PIEZO2: variants seen among roughly 807,000 people sequenced by gnomAD.
The protein encoded by PIEZO2 is piezo-type mechanosensitive ion channel component 2.
A neutral mutation model predicts 337.3 loss-of-function variants in PIEZO2; 172 were observed. The ratio of observed to expected loss-of-function variants is 0.51; its 90% CI spans 0.45 to 0.58. PIEZO2 has a LOEUF of 0.58. Ranked by LOEUF, PIEZO2 falls within the 20% of genes least tolerant of loss-of-function variation. The pLI is 0.00. For missense variants in PIEZO2, 3,028 were observed against 3,391.3 expected (o/e 0.89, Z 2.66); for synonymous variants, 1,251 against 1,228.5 (o/e 1.02, Z -0.38).
rs376233683 is a variant in PIEZO2 at position 10,982,657 on chromosome 18, C to T, written c.161-2997G>A. Among the ~76,000 whole-genome samples, 1 of 151,850 alleles carries T rather than the reference C, an allele frequency of 6.6e-6. No homozygotes were observed. Among genetic ancestry groups the T allele is most frequent in the South Asian group, 2.1e-4 (1 of 4,812 alleles). On this transcript the variant is annotated intron_variant, in intron 2 of 55. Coordinates refer to ENST00000674853, the MANE Select transcript of PIEZO2 (RefSeq NM_001378183.1). The surrounding 1 kb of genome is among the most constrained non-coding windows in gnomAD (Gnocchi z 4.1). ...GTAAATTTTGAAATTTTGAAGAATA[C>T]GATCGAAAGTGGGTGAGGTTGGTGT... is the stretch of plus-strand genomic sequence containing the variant.
Position 10,830,968 on chromosome 18 carries a change from A to G in PIEZO2, c.918-23694T>C, listed in dbSNP as rs915667657. On this transcript the variant is annotated intron_variant, in intron 7 of 55. Coordinates refer to ENST00000674853, the MANE Select transcript of PIEZO2 (RefSeq NM_001378183.1). The surrounding 1 kb of genome is among the most constrained non-coding windows in gnomAD (Gnocchi z 4.7). The stretch of plus-strand genomic sequence containing the variant: ...TTTATCACCAGAGAAATGCGAATCA[A>G]AACTACAAATTATCTCACCCCAGCT... Among the ~76,000 whole-genome samples the G allele has an allele frequency of 2.4e-4, 37 of 152,340 alleles. No individual in the cohort carries two copies. The highest frequency in any genetic ancestry group is 8.4e-4 in the African/African-American group (35 of 41,584).
chr18:10,821,302 T>C lies in PIEZO2; in HGVS notation c.918-14028A>G, dbSNP rs1683391. ...AGCCATCATAAACCCACACTTCCAA[T>C]AGCTCAGCATCTGAAAACAGTTGTT... On this transcript the variant is annotated intron_variant, in intron 7 of 55. Transcript: ENST00000674853. This position sits in a 1 kb window ranked among gnomAD's most constrained non-coding sequence, Gnocchi z 4.2. Among the ~76,000 whole-genome samples the C allele has an allele frequency of 0.18, 26,825 of 152,182 alleles. 2,393 individuals carry two copies. Among genetic ancestry groups the C allele is most frequent in the Middle Eastern group, 0.24 (72 of 294 alleles).
chr18:10,882,757 T>C (rs985966689), intron 4 of PIEZO2, among the ~76,000 whole-genome samples: 13 of 151,344 alleles, frequency 8.6e-5, no homozygotes, highest in African/African-American at 3.1e-4. Context: ...CATAATCACC[T>C]CCAATTCTAT....
chr18:11,068,661 G>C (rs953565592), intron 1 of PIEZO2, among the ~76,000 whole-genome samples: 6 of 152,120 alleles, frequency 3.9e-5, no homozygotes, highest in African/African-American at 2.4e-5. Context: ...AAAGTTGGTA[G>C]AAGGAAAGAA....
intron 3 of PIEZO2, among the ~76,000 whole-genome samples, chr18:10,960,673 C>T (rs2033732767): frequency 6.6e-6 from 1 of 152,006 alleles, no homozygotes; most frequent in South Asian, 2.1e-4. Flanking sequence ...AAAAAGTCCC[C>T]CAACCTTAAT....
chr18:11,136,201 C>T (rs949527613), intron 1 of PIEZO2, among the ~76,000 whole-genome samples: 2 of 152,294 alleles, frequency 1.3e-5, no homozygotes, highest in East Asian at 1.9e-4. Flanking sequence ...CGGGGGCATC[C>T]GGCACTGGGT....
At position 10,807,131 on chromosome 18, in the gene PIEZO2, A is replaced by G. The variant is rs1380804163; in HGVS notation, c.1061T>C (p.Ile354Thr). Residue 354 changes from isoleucine (I) to threonine (T), a missense_variant, in exon 8 of 56, where the codon ATC becomes ACC. Physicochemically the swap from Ile to Thr is moderately conservative, Grantham distance 89. Around this residue, in one of 5 missense-constraint regions of PIEZO2, gnomAD observed 542 missense variants for 605.6 expected, o/e 0.89. Coordinates refer to ENST00000674853, the MANE Select transcript of PIEZO2 (RefSeq NM_001378183.1). ...CCTTACAAGGGGCTCTTGCAGCCAG[A>G]TGCGGATCAGAGTGGCCAGAGTGTA... ...MYYTLATLIRIWLQEPLVQDE... is the reference protein window; with the variant it reads ...MYYTLATLIRTWLQEPLVQDE... The G allele has an allele frequency of 6.5e-7, 1 of 1,536,606 alleles. No homozygotes were observed.
intron 3 of PIEZO2, among the ~76,000 whole-genome samples, chr18:10,913,278 G>T (rs1233096594): frequency 1.3e-5 from 2 of 152,128 alleles, no homozygotes; most frequent in African/African-American, 4.8e-5. Flanking sequence ...GGAAGCCACA[G>T]TGTGTTCAAG....
Position 10,773,762 on chromosome 18 carries a change from C to A in PIEZO2, c.2568-133G>T. 2.4e-6 allele frequency: 2 copies of A among 823,930 alleles called. No homozygotes were observed. Among genetic ancestry groups the A allele is most frequent in the Admixed American group, 2.8e-5 (1 of 36,022 alleles). 51.0% of individuals were successfully genotyped at this position (823,930 alleles called of 1,614,324 possible). A position where few individuals can be genotyped will look rare whatever the true frequency, so the allele number is the denominator to read the frequency against. The stretch of plus-strand genomic sequence containing the variant: ...AAGACCTCACAAGGTGGGGTGTTAG[C>A]GTTTTGTCACTTTCTTTTTGGTTGG... On this transcript the variant is annotated intron_variant, in intron 19 of 55. Transcript: ENST00000674853. This position sits in a 1 kb window ranked among gnomAD's most constrained non-coding sequence, Gnocchi z 5.3.
Position 10,672,666 on chromosome 18 carries a change from G to A in PIEZO2, c.8345+24C>T, listed in dbSNP as rs2033829471. The A allele has an allele frequency of 6.2e-7, 1 of 1,601,220 alleles. No homozygotes were observed. Among genetic ancestry groups the A allele is most frequent in the South Asian group, 1.1e-5 (1 of 88,230 alleles). On this transcript the variant is annotated intron_variant, in intron 55 of 55. Transcript: ENST00000674853. The surrounding 1 kb of genome is among the most constrained non-coding windows in gnomAD (Gnocchi z 4.7). ...GATACAGAAGTAGACTCTTGTAACTGTGAATTGTTCAATGAGTCCTTACCC... is the reference window on the plus strand; with the variant it reads ...GATACAGAAGTAGACTCTTGTAACTATGAATTGTTCAATGAGTCCTTACCC...
In PIEZO2 at chr18:10,716,011, C is replaced by T. The variant is rs781430948; in HGVS notation, c.5090-195G>A. 2.0e-5 allele frequency among the ~76,000 whole-genome samples: 3 copies of T among 152,178 alleles called. No individual in the cohort carries two copies. The highest frequency in any genetic ancestry group is 6.5e-5 in the Admixed American group (1 of 15,290). On this transcript the variant is annotated intron_variant, in intron 37 of 55. Coordinates refer to ENST00000674853, the MANE Select transcript of PIEZO2 (RefSeq NM_001378183.1). This position sits in a 1 kb window ranked among gnomAD's most constrained non-coding sequence, Gnocchi z 4.1. Reference sequence around the variant, plus strand: ...AAGCTTTTGTGGGGCTTTGCACACACGCAGTGGCAGACCAAATCAGGATAG... The same window carrying T: ...AAGCTTTTGTGGGGCTTTGCACACATGCAGTGGCAGACCAAATCAGGATAG...
rs1032081098 is a variant in PIEZO2 at position 10,726,597 on chromosome 18, G to A, written c.5029+4810C>T. 5 of 1,362,750 alleles carry A rather than the reference G, an allele frequency of 3.7e-6. No homozygotes were observed. The highest frequency in any genetic ancestry group is 3.5e-5 in the African/African-American group (2 of 56,654). The allele number at this position is 1,362,750 out of a possible 1,614,324, so 84.4% of individuals were successfully genotyped here. On this transcript the variant is annotated intron_variant, in intron 36 of 55. Coordinates refer to ENST00000674853, the MANE Select transcript of PIEZO2 (RefSeq NM_001378183.1). The surrounding 1 kb of genome is among the most constrained non-coding windows in gnomAD (Gnocchi z 5.9). Reference sequence around the variant, plus strand: ...TCCGCCAGCTCTTCCAGGACCTGGCGCGCTACGTGCGGGACGCCGACGTGC... The same window carrying A: ...TCCGCCAGCTCTTCCAGGACCTGGCACGCTACGTGCGGGACGCCGACGTGC...
chr18:10,832,639 T>C (rs2040879458), intron 7 of PIEZO2, among the ~76,000 whole-genome samples: 1 of 152,188 alleles, frequency 6.6e-6, no homozygotes, highest in Non-Finnish European at 1.5e-5. Context: ...ACTTGTTTAA[T>C]GACTGAACAA....
Position 11,126,824 on chromosome 18 carries a change from G to A in PIEZO2, c.64+21701C>T, listed in dbSNP as rs984976415. Among the ~76,000 whole-genome samples the A allele has an allele frequency of 2.6e-5, 4 of 151,840 alleles. No homozygotes were observed. Among genetic ancestry groups the A allele is most frequent in the Non-Finnish European group, 5.9e-5 (4 of 67,994 alleles). ...TTTAAAGCCCCAGTGACCCTATGAGGTAGTTACTTTTATTGCCTGCATTTT... is the reference window on the plus strand; with the variant it reads ...TTTAAAGCCCCAGTGACCCTATGAGATAGTTACTTTTATTGCCTGCATTTT... On this transcript the variant is annotated intron_variant, in intron 1 of 55. Transcript: ENST00000674853. This position sits in a 1 kb window ranked among gnomAD's most constrained non-coding sequence, Gnocchi z 4.6.
rs1260738143 is a variant in PIEZO2 at position 11,001,342 on chromosome 18, A to T, written c.161-21682T>A. 6.6e-6 allele frequency among the ~76,000 whole-genome samples: 1 copy of T among 152,122 alleles called. No individual in the cohort carries two copies. Among genetic ancestry groups the T allele is most frequent in the East Asian group, 1.9e-4 (1 of 5,166 alleles). On this transcript the variant is annotated intron_variant, in intron 2 of 55. Coordinates refer to ENST00000674853, the MANE Select transcript of PIEZO2 (RefSeq NM_001378183.1). The surrounding 1 kb of genome is among the most constrained non-coding windows in gnomAD (Gnocchi z 5.3). ...CAAAAGTCAGCACATCTTGCTAGGC[A>T]TGCACCACCGAAAAAGTTATTCCTC...
rs957035237 is a variant in PIEZO2 at position 11,099,129 on chromosome 18, T to C, written c.65-32907A>G. Among the ~76,000 whole-genome samples, 7 of 152,176 alleles carry C rather than the reference T, an allele frequency of 4.6e-5. No individual in the cohort carries two copies. Among genetic ancestry groups the C allele is most frequent in the African/African-American group, 1.7e-4 (7 of 41,428 alleles). On this transcript the variant is annotated intron_variant, in intron 1 of 55. Coordinates refer to ENST00000674853, the MANE Select transcript of PIEZO2 (RefSeq NM_001378183.1). The surrounding 1 kb of genome is among the most constrained non-coding windows in gnomAD (Gnocchi z 5.4). Reference sequence around the variant, plus strand: ...TTTTAAAAAGACTGCAGATTTTTCATAGTTAACATGAATTATTTAACCAAT... The same window carrying C: ...TTTTAAAAAGACTGCAGATTTTTCACAGTTAACATGAATTATTTAACCAAT...
At chr18:10,731,342 A>T (rs2036776766) in intron 36 of PIEZO2, 65 bp downstream of exon 36, 2 of 1,095,860 alleles carry the variant, frequency 1.8e-6, no homozygotes, top group African/African-American at 3.2e-5. Flanking sequence ...TCCTTTGCAG[A>T]CAAGGCTGGG....
chr18:10,731,213 A>C (rs1220228268), intron 36 of PIEZO2, among the ~76,000 whole-genome samples, 194 bp downstream of exon 36: 38 of 127,216 alleles, frequency 3.0e-4, no homozygotes, highest in African/African-American at 1.1e-3. Flanking sequence ...ATATATATAT[A>C]TATATCTCCT....
chr18:10,823,344 T>G (rs2040575418), intron 7 of PIEZO2, among the ~76,000 whole-genome samples: 1 of 152,334 alleles, frequency 6.6e-6, no homozygotes, highest in Admixed American at 6.5e-5. Flanking sequence ...AAAAACAACC[T>G]GCCGCTTCTC....
Sources: gnomAD v4.1 joint callset for allele counts (sites outside exome capture counted in the v4.1 genomes callset) on GRCh38, gnomAD v4.1.1 for gene constraint, gnomAD v4.1.1 regional missense constraint, Gnocchi (gnomAD v3.1) non-coding constraint, MANE v1.5 for transcripts, NCBI Gene and HGNC (gene_info 2026-07-23, HGNC 2026-07-21) for gene names.